CSMD1: variants seen among roughly 807,000 people sequenced by gnomAD.
CSMD1 encodes the protein CUB and Sushi multiple domains 1, also known as CUB and sushi domain-containing protein 1.
In CSMD1, 213 loss-of-function variants were observed where a neutral mutation model predicts 417.5. The observed-to-expected ratio is 0.51, with a 90% CI of 0.46 to 0.57. The LOEUF (loss-of-function observed/expected upper bound fraction) is 0.57, where lower values mean the gene tolerates loss of function less well. CSMD1 is among the 20% of genes least tolerant of loss of function. CSMD1 has a pLI of 0.00. For missense variants in CSMD1, 6,923 were observed against 4,529.7 expected, an observed-to-expected ratio of 1.53 and a Z score of -15.17; for synonymous variants, 2,862 against 1,736.8, an observed-to-expected ratio of 1.65 and a Z score of -16.11.
intron 33 of CSMD1, among the ~76,000 whole-genome samples, chr8:3,193,689 G>A (rs1796548614): frequency 6.6e-6 from 1 of 152,168 alleles, no homozygotes; most frequent in Non-Finnish European, 1.5e-5. Context: ...CTGGAATAGA[G>A]GGTGATCAAC....
chr8:4,789,527 G>T (rs1314051449), intron 1 of CSMD1, among the ~76,000 whole-genome samples: 2 of 152,064 alleles, frequency 1.3e-5, no homozygotes, highest in African/African-American at 2.4e-5. Context: ...TAATTTTACT[G>T]TGCATCTACC....
chr8:4,105,725 C>G (rs913232071), intron 3 of CSMD1, among the ~76,000 whole-genome samples: 1 of 152,192 alleles, frequency 6.6e-6, no homozygotes, highest in African/African-American at 2.4e-5. Context: ...AAGATCAACC[C>G]ACAGCTTTCT....
intron 2 of CSMD1, among the ~76,000 whole-genome samples, chr8:4,571,696 T>C (rs1798902588): frequency 6.6e-6 from 1 of 152,170 alleles, no homozygotes; most frequent in South Asian, 2.1e-4. Context: ...TAATTTTCTG[T>C]CTCTTTGATC....
chr8:4,293,901 AT>A (rs1252932096), intron 3 of CSMD1, among the ~76,000 whole-genome samples: 1 of 151,954 alleles, frequency 6.6e-6, no homozygotes, highest in East Asian at 1.9e-4. Flanking sequence ...TGATAGAGGG[AT>A]GTCCTATTAG....
At chr8:3,263,290 GGT>G (rs748671839) in intron 26 of CSMD1, among the ~76,000 whole-genome samples, 1 of 152,078 alleles carries the variant, frequency 6.6e-6, no homozygotes, top group African/African-American at 2.4e-5. Flanking sequence ...GATAAAATGG[GGT>G]TTCACCATGT....
intron 12 of CSMD1, among the ~76,000 whole-genome samples, chr8:3,452,482 A>G (rs1377073879): frequency 1.3e-5 from 2 of 152,328 alleles, no homozygotes; most frequent in African/African-American, 2.4e-5. Context: ...TTATTTTGAC[A>G]TACATCCCAT....
At chr8:4,903,154 C>A (rs906111657) in intron 1 of CSMD1, among the ~76,000 whole-genome samples, 1 of 152,054 alleles carries the variant, frequency 6.6e-6, no homozygotes, top group Non-Finnish European at 1.5e-5. Context: ...TAATCTTGAA[C>A]AGTTTGTAAT....
chr8:3,907,333 A>G (rs1808179906), intron 5 of CSMD1, among the ~76,000 whole-genome samples: 1 of 152,326 alleles, frequency 6.6e-6, no homozygotes, highest in South Asian at 2.1e-4. Context: ...CTGTTTCTAA[A>G]AGTTATAATT....
chr8:3,840,212 T>A (rs994530231), intron 5 of CSMD1, among the ~76,000 whole-genome samples: 1 of 152,142 alleles, frequency 6.6e-6, no homozygotes, highest in Non-Finnish European at 1.5e-5. Flanking sequence ...TGCTTCTGTA[T>A]GTTTGAACCT....
intron 2 of CSMD1, among the ~76,000 whole-genome samples, chr8:4,502,325 T>C (rs888343977): frequency 1.3e-5 from 2 of 152,108 alleles, no homozygotes; most frequent in East Asian, 1.9e-4. Flanking sequence ...CGAGGACAAA[T>C]GCATAGATAC....
At position 2,961,165 on chromosome 8, in the gene CSMD1, T is replaced by C. The variant is rs905659756; in HGVS notation, c.9678A>G (p.Ile3226Met). The change falls in exon 62 of 70, where the codon ATA (isoleucine) becomes ATG (methionine). Residue 3226 changes from isoleucine (I) to methionine (M), a missense_variant. Transcript: ENST00000635120. ...CPDPGTPHFGIQNSSRGYEVG... is the reference protein window; with the variant it reads ...CPDPGTPHFGMQNSSRGYEVG... The stretch of plus-strand genomic sequence containing the variant: ...CCTCATAGCCTCTGGAGCTATTCTG[T>C]ATTCCAAAGTGTGGCGTACCAGGGT... 9.4e-6 allele frequency: 15 copies of C among 1,602,026 alleles called. No homozygotes were observed. In the South Asian group the frequency reaches 1.1e-4, roughly 12 times the overall value.
rs34791623 is a variant in CSMD1 at position 4,510,390 on chromosome 8, T to TAAAAAAAAAAAAAAAAAAAA, written c.303-90345_303-90326dup. 2.0e-4 allele frequency among the ~76,000 whole-genome samples: 11 copies of TAAAAAAAAAAAAAAAAAAAA among 54,616 alleles called. 2 individuals carry two copies. The highest frequency in any genetic ancestry group is 4.6e-4 in the African/African-American group (6 of 12,952). 35.8% of individuals were successfully genotyped at this position (54,616 alleles called of 152,430 possible). On this transcript the variant is annotated intron_variant, in intron 2 of 69. Coordinates refer to ENST00000635120, the MANE Select transcript of CSMD1 (RefSeq NM_033225.6). ...GTAGACAATTAAAAAGCATAATGCC[T>TAAAAAAAAAAAAAAAAAAAA]AAAAAAAAAAAAAAAAAAAAAAAAA...
chr8:3,450,500 C>G (rs1474330622), intron 12 of CSMD1, among the ~76,000 whole-genome samples: 1 of 146,646 alleles, frequency 6.8e-6, no homozygotes, highest in Non-Finnish European at 1.5e-5. Flanking sequence ...TGTGATGTTC[C>G]CCTTCCTGTG....
intron 5 of CSMD1, among the ~76,000 whole-genome samples, chr8:3,858,642 G>A (rs181465156): frequency 1.3e-5 from 2 of 151,176 alleles, no homozygotes; most frequent in Non-Finnish European, 1.5e-5. Context: ...CTTTTTCTAT[G>A]TATTTAATGC....
intron 1 of CSMD1, among the ~76,000 whole-genome samples, chr8:4,892,925 T>C (rs1409642456): frequency 6.6e-6 from 1 of 152,268 alleles, no homozygotes; most frequent in Admixed American, 6.5e-5. Flanking sequence ...AGTGAATATA[T>C]TTTATATGCC....
intron 7 of CSMD1, among the ~76,000 whole-genome samples, chr8:3,694,157 G>C (rs150240691): frequency 2.4e-3 from 372 of 152,108 alleles, no homozygotes; most frequent in African/African-American, 8.6e-3. Context: ...ATGCTGGAGA[G>C]GGGCTCACAG....
intron 46 of CSMD1, among the ~76,000 whole-genome samples, chr8:3,099,645 C>G (rs1013966548): frequency 1.3e-5 from 2 of 152,164 alleles, no homozygotes; most frequent in African/African-American, 4.8e-5. Flanking sequence ...AAGTAAGAAA[C>G]CTTTACTGAG....
At chr8:3,324,468 C>T (rs929075247) in intron 23 of CSMD1, among the ~76,000 whole-genome samples, 2 of 150,128 alleles carry the variant, frequency 1.3e-5, no homozygotes, top group Non-Finnish European at 3.0e-5. Flanking sequence ...TCCTTCCCCC[C>T]ACCATTCTTC....
At chr8:3,284,400 C>A (rs1802986245) in intron 25 of CSMD1, 54 bp from the exon 26 acceptor site, 2 of 1,372,426 alleles carry the variant, frequency 1.5e-6, no homozygotes, top group African/African-American at 2.9e-5. Context: ...ATGTCCTGAC[C>A]CCATAGCTGT....
Sources: allele counts gnomAD v4.1 joint callset (sites outside exome capture counted in the v4.1 genomes callset), GRCh38; gene constraint gnomAD v4.1.1; transcripts MANE v1.5; gene names NCBI Gene and HGNC (gene_info 2026-07-23, HGNC 2026-07-21).